The following LMBRD1 variants were observed in gnomAD, a reference collection of about 807,000 sequenced individuals.
LMBRD1 encodes lysosomal cobalamin transport escort protein LMBD1.
Under a neutral mutation model 74.8 loss-of-function variants are expected in LMBRD1, and 64 were observed. That is an observed-to-expected ratio of 0.86 (90% CI 0.70 to 1.05). LMBRD1 has a LOEUF of 1.05. Ranked by LOEUF, LMBRD1 falls within the 50% of genes least tolerant of loss-of-function variation. The probability of loss-of-function intolerance (pLI) is 0.00; values close to 1 mark genes in which losing one functional copy is unlikely to be tolerated. For missense variants in LMBRD1, 652 were observed against 645.9 expected (o/e 1.01, Z -0.10); for synonymous variants, 204 against 216.3 (o/e 0.94, Z 0.50).
chr6:69,678,181 T>C (rs1765586225), intron 14 of LMBRD1, among the ~76,000 whole-genome samples: 1 of 152,200 alleles, frequency 6.6e-6, no homozygotes, highest in African/African-American at 2.4e-5. Context: ...CATACTATGA[T>C]CTTACAATAA....
At chr6:69,773,440 A>G (rs970672248) in intron 3 of LMBRD1, among the ~76,000 whole-genome samples, 3 of 152,212 alleles carry the variant, frequency 2.0e-5, no homozygotes, top group Non-Finnish European at 4.4e-5. Flanking sequence ...TTCAAAATAC[A>G]TAAAAAAGTT....
chr6:69,676,460 G>A lies in LMBRD1; in HGVS notation c.1499C>T (p.Ala500Val), dbSNP rs373904511. The A allele has an allele frequency of 2.9e-5, 47 of 1,613,064 alleles. No homozygotes were observed. The highest frequency in any genetic ancestry group is 3.6e-5 in the Non-Finnish European group (43 of 1,179,296). Residue 500 changes from alanine (A) to valine (V), a missense_variant, in exon 15 of 16, where the codon GCC (alanine) becomes GTC (valine). Ala to Val is a moderately conservative substitution (Grantham distance 64, BLOSUM62 0). Transcript: ENST00000649934. ...FSAAYYFGNW[A>V]FLGVFLIGLI... Reference sequence around the variant, plus strand: ...GATATCTGCACTTACCCCAAGAAAGGCCCAGTTACCAAAATAGTAAGCAGC... The same window carrying A: ...GATATCTGCACTTACCCCAAGAAAGACCCAGTTACCAAAATAGTAAGCAGC...
At chr6:69,698,777 A>C (rs1766061010) in intron 13 of LMBRD1, among the ~76,000 whole-genome samples, 1 of 151,904 alleles carries the variant, frequency 6.6e-6, no homozygotes, top group South Asian at 2.1e-4. Context: ...AGTTTTAATA[A>C]AGTACTAAGG....
chr6:69,700,755 A>T lies in LMBRD1; in HGVS notation c.1188+10T>A, dbSNP rs1183346325. ...GATGAGAAAAAAATAATACTGTAAT[A>T]TATACTTACTCTAATCCAAAAGAAC... On this transcript the variant is annotated intron_variant, in intron 12 of 15. Coordinates refer to ENST00000649934, the MANE Select transcript of LMBRD1 (RefSeq NM_018368.4). The T allele has an allele frequency of 6.8e-7, 1 of 1,471,838 alleles. No homozygotes were observed. The highest frequency in any genetic ancestry group is 9.2e-7 in the Non-Finnish European group (1 of 1,086,102). 91.2% of individuals were successfully genotyped at this position (1,471,838 alleles called of 1,614,324 possible).
chr6:69,777,214 G>A (rs1765723532), intron 3 of LMBRD1, among the ~76,000 whole-genome samples: 1 of 151,994 alleles, frequency 6.6e-6, no homozygotes, highest in Non-Finnish European at 1.5e-5. Flanking sequence ...CACTTTGGGA[G>A]GCTGAGGCGG....
chr6:69,712,416 T>C (rs183022494), intron 9 of LMBRD1, among the ~76,000 whole-genome samples: 155 of 149,884 alleles, frequency 1.0e-3, no homozygotes, highest in Middle Eastern at 0.01. Flanking sequence ...ATGAGGCAAA[T>C]TCTATTACTG....
intron 14 of LMBRD1, among the ~76,000 whole-genome samples, chr6:69,686,801 A>C (rs941246966): frequency 1.2e-4 from 18 of 152,210 alleles, no homozygotes; most frequent in African/African-American, 4.1e-4. Context: ...ACAGGTAGGC[A>C]AACTATGGCA....
chr6:69,749,423 G>GA lies in LMBRD1; in HGVS notation c.406-16dup. The GA allele has an allele frequency of 6.2e-7, 1 of 1,601,884 alleles. No individual in the cohort carries two copies. The highest frequency in any genetic ancestry group is 8.5e-7 in the Non-Finnish European group (1 of 1,169,836). The stretch of plus-strand genomic sequence containing the variant: ...GTTTTAATTTGCTAGATGCCAAGGA[G>GA]AAAAAAGTATAACATTTAGCAAGCC... On this transcript the variant is annotated splice_polypyrimidine_tract_variant and intron_variant, in intron 4 of 15. Coordinates refer to ENST00000649934, the MANE Select transcript of LMBRD1 (RefSeq NM_018368.4).
intron 14 of LMBRD1, among the ~76,000 whole-genome samples, chr6:69,681,487 T>C (rs1235732142): frequency 1.3e-5 from 2 of 152,000 alleles, no homozygotes. Context: ...ATAATACCTT[T>C]TATTTTAAAT....
chr6:69,700,044 A>G (rs1766092549), intron 12 of LMBRD1, among the ~76,000 whole-genome samples: 1 of 151,878 alleles, frequency 6.6e-6, no homozygotes, highest in Non-Finnish European at 1.5e-5. Context: ...TGAACAGGAT[A>G]AAAGGAACTG....
At chr6:69,680,015 C>G (rs1030505588) in intron 14 of LMBRD1, among the ~76,000 whole-genome samples, 2 of 152,134 alleles carry the variant, frequency 1.3e-5, no homozygotes, top group Non-Finnish European at 1.5e-5. Flanking sequence ...AATATCATGA[C>G]TACTCTGTGC....
intron 7 of LMBRD1, among the ~76,000 whole-genome samples, chr6:69,731,228 A>G (rs1285566815): frequency 6.6e-6 from 1 of 152,106 alleles, no homozygotes; most frequent in Non-Finnish European, 1.5e-5. Context: ...AATAGACAAA[A>G]TACAACCTAG....
At position 69,676,551 on chromosome 6, in the gene LMBRD1, C is replaced by T. The variant is rs779267396; in HGVS notation, c.1418-10G>A. On this transcript the variant is annotated splice_polypyrimidine_tract_variant and intron_variant, in intron 14 of 15. Transcript: ENST00000649934. ...GTAACAGTACACTGATCTGTGAAAG[C>T]AAATAAAAGACTATGGTGAGATAGG... is the stretch of plus-strand genomic sequence containing the variant. 1.3e-6 allele frequency: 2 copies of T among 1,589,976 alleles called. No individual in the cohort carries two copies. Among genetic ancestry groups the T allele is most frequent in the South Asian group, 1.1e-5 (1 of 90,560 alleles).
chr6:69,763,912 A>G, intron 3 of LMBRD1, among the ~76,000 whole-genome samples: 1 of 152,216 alleles, frequency 6.6e-6, no homozygotes, highest in East Asian at 1.9e-4. Context: ...ATATTTTAAA[A>G]GCAAATAACT....
chr6:69,769,658 T>C (rs959787693), intron 3 of LMBRD1, among the ~76,000 whole-genome samples: 3 of 152,220 alleles, frequency 2.0e-5, no homozygotes, highest in South Asian at 4.1e-4. Context: ...TGTTCACTTA[T>C]TTGGCAGGGT....
At chr6:69,765,228 C>A (rs9454889) in intron 3 of LMBRD1, among the ~76,000 whole-genome samples, 12,212 of 151,926 alleles carry the variant, frequency 0.08, 653 homozygotes, top group Admixed American at 0.15. Flanking sequence ...ATTGTGCCCC[C>A]CTCCCTTAAT....
At chr6:69,689,115 T>G (rs1765826742) in intron 14 of LMBRD1, among the ~76,000 whole-genome samples, 1 of 152,044 alleles carries the variant, frequency 6.6e-6, no homozygotes, top group African/African-American at 2.4e-5. Flanking sequence ...CCCTATCCCA[T>G]GACTTGGGGT....
At chr6:69,684,300 T>C (rs1765719788) in intron 14 of LMBRD1, among the ~76,000 whole-genome samples, 1 of 151,862 alleles carries the variant, frequency 6.6e-6, no homozygotes, top group Non-Finnish European at 1.5e-5. Context: ...GAGTAAATGG[T>C]AGGCAGAAAA....
chr6:69,794,149 T>C (rs1007278437), intron 1 of LMBRD1, among the ~76,000 whole-genome samples: 17 of 152,342 alleles, frequency 1.1e-4, no homozygotes, highest in African/African-American at 4.1e-4. Context: ...AATACTAAGA[T>C]GCTATTTGCC....
Sources: gnomAD v4.1 joint callset for allele counts (sites outside exome capture counted in the v4.1 genomes callset) on GRCh38, gnomAD v4.1.1 for gene constraint, MANE v1.5 for transcripts, NCBI Gene and HGNC (gene_info 2026-07-23, HGNC 2026-07-21) for gene names.